The following OCLN variants were observed in gnomAD, a reference collection of about 807,000 sequenced individuals.
The protein encoded by OCLN is occludin.
OCLN carries 21 observed loss-of-function variants against 47.9 expected under a neutral mutation model. The ratio of observed to expected loss-of-function variants is 0.44; its 90% CI spans 0.31 to 0.63. The LOEUF is 0.63. OCLN is among the 30% of genes least tolerant of loss of function. The pLI, the probability that OCLN is intolerant of heterozygous loss-of-function variation, is 0.08. For synonymous variants in OCLN, 117 were observed against 198.4 expected, an observed-to-expected ratio of 0.59 and a Z score of 3.45; for missense variants, 360 against 571.0, an observed-to-expected ratio of 0.63 and a Z score of 3.77.
At chr5:69,537,189 C>CTTTTTTTT in intron 5 of OCLN, among the ~76,000 whole-genome samples, 1 of 80,562 alleles carries the variant, frequency 1.2e-5, no homozygotes, top group Non-Finnish European at 2.4e-5. Flanking sequence ...ATTCTATAAG[C>CTTTTTTTT]TTTTTTTTTT....
rs1340090097 is a variant in OCLN at position 69,557,348 on chromosome 5, G to A, written c.*3677G>A. 2.4e-5 allele frequency: 2 copies of A among 84,664 alleles called. 1 individual carries two copies. Among genetic ancestry groups the A allele is most frequent in the Non-Finnish European group, 7.2e-5 (2 of 27,900 alleles). The allele number at this position is 84,664 out of a possible 1,614,324, so 5.2% of individuals were successfully genotyped here. A position where few individuals can be genotyped will look rare whatever the true frequency, so the allele number is the denominator to read the frequency against. Reference sequence around the variant, plus strand: ...TTTTTTGTATTTGTAAAATATATTTGTAATAATCTCATAGTTAAGAAGGTA... The same window carrying A: ...TTTTTTGTATTTGTAAAATATATTTATAATAATCTCATAGTTAAGAAGGTA... On this transcript the variant is annotated 3_prime_UTR_variant, in exon 9 of 9. Transcript: ENST00000396442.
At chr5:69,499,896 T>C (rs1354065968) in intron 1 of OCLN, among the ~76,000 whole-genome samples, 1 of 152,184 alleles carries the variant, frequency 6.6e-6, no homozygotes, top group East Asian at 1.9e-4. Context: ...TTTAAGACTT[T>C]TTCTTATCCC....
At chr5:69,522,711 G>A (rs1187923754) in intron 4 of OCLN, among the ~76,000 whole-genome samples, 3 of 151,516 alleles carry the variant, frequency 2.0e-5, no homozygotes, top group Admixed American at 6.6e-5. Context: ...TGTATACCAC[G>A]GCACTCAGTT....
At chr5:69,503,879 C>G (rs1768524924) in intron 1 of OCLN, among the ~76,000 whole-genome samples, 1 of 152,090 alleles carries the variant, frequency 6.6e-6, no homozygotes, top group African/African-American at 2.4e-5. Context: ...TATACATTCT[C>G]ATTTAATATG....
chr5:69,514,137 T>G, intron 4 of OCLN, 28 bp downstream of exon 4: 3 of 1,602,096 alleles, frequency 1.9e-6, no homozygotes, highest in Non-Finnish European at 2.6e-6. Flanking sequence ...ACTTTACATC[T>G]TTTATTAAAG....
intron 2 of OCLN, among the ~76,000 whole-genome samples, chr5:69,508,786 CAGTTT>C (rs1768682041): frequency 6.6e-6 from 1 of 152,158 alleles, no homozygotes; most frequent in Admixed American, 6.5e-5. Flanking sequence ...CTTTGGAAAA[CAGTTT>C]GATACTGTCT....
chr5:69,516,405 G>C (rs1768971378), intron 4 of OCLN, among the ~76,000 whole-genome samples: 1 of 152,152 alleles, frequency 6.6e-6, no homozygotes. Context: ...GCTGAGGCAG[G>C]AGAATCAGGC....
chr5:69,522,034 C>T (rs1305383890), intron 4 of OCLN, among the ~76,000 whole-genome samples: 2 of 152,188 alleles, frequency 1.3e-5, no homozygotes, highest in Non-Finnish European at 2.9e-5. Flanking sequence ...GAGGGTCTCA[C>T]TATGTTACCC....
At chr5:69,526,146 C>T (rs1769272254) in intron 4 of OCLN, among the ~76,000 whole-genome samples, 1 of 152,128 alleles carries the variant, frequency 6.6e-6, no homozygotes, top group Admixed American at 6.5e-5. Context: ...TTGAAACAGC[C>T]CACTCACTCC....
intron 4 of OCLN, among the ~76,000 whole-genome samples, chr5:69,519,886 A>G: frequency 6.6e-6 from 1 of 152,214 alleles, no homozygotes. Flanking sequence ...TGTTTAGTTG[A>G]AAAAAATCCA....
intron 4 of OCLN, among the ~76,000 whole-genome samples, chr5:69,518,141 G>A (rs1028855382): frequency 6.6e-6 from 1 of 152,162 alleles, no homozygotes; most frequent in African/African-American, 2.4e-5. Context: ...TGTAACTTAT[G>A]GAGGTGATGA....
At chr5:69,530,689 C>T (rs1337793077) in intron 4 of OCLN, 2 of 152,026 alleles carry the variant, frequency 1.3e-5, no homozygotes, top group African/African-American at 4.8e-5. Flanking sequence ...TATTGTTCAA[C>T]TTTATATATG....
At chr5:69,525,617 G>A (rs1394766646) in intron 4 of OCLN, among the ~76,000 whole-genome samples, 1 of 152,096 alleles carries the variant, frequency 6.6e-6, no homozygotes, top group Non-Finnish European at 1.5e-5. Flanking sequence ...AATTGCTGAG[G>A]TGGCAAAACT....
chr5:69,525,499 C>T (rs1162307981), intron 4 of OCLN, among the ~76,000 whole-genome samples: 2 of 152,106 alleles, frequency 1.3e-5, no homozygotes, highest in African/African-American at 2.4e-5. Context: ...TAATATTTTC[C>T]AGTCAAACGT....
rs2112070877 is a variant in OCLN, at chr5:69,536,760, A to G, written c.1037+1921A>G. On this transcript the variant is annotated intron_variant, in intron 5 of 8. Transcript: ENST00000396442. ...GAGGCAGGTGGATCACGAGGTCAGG[A>G]AATTGAGACCATCCTGGCTAACAGG... is the stretch of plus-strand genomic sequence containing the variant. 2.0e-5 allele frequency among the ~76,000 whole-genome samples: 3 copies of G among 151,800 alleles called. No individual in the cohort carries two copies. The South Asian group carries it at 6.3e-4, about 32-fold the overall frequency.
chr5:69,532,967 CAA>C (rs200582624), intron 4 of OCLN, among the ~76,000 whole-genome samples: 1 of 107,098 alleles, frequency 9.3e-6, no homozygotes. Flanking sequence ...GACTCTGTCT[CAA>C]AAAAAATATA....
intron 4 of OCLN, among the ~76,000 whole-genome samples, chr5:69,515,507 C>T (rs1275566059): frequency 1.4e-5 from 2 of 140,872 alleles, no homozygotes; most frequent in African/African-American, 5.4e-5. Flanking sequence ...CCTCACCTCC[C>T]GGACGGGGCG....
chr5:69,503,076 C>T (rs1768503798), intron 1 of OCLN, among the ~76,000 whole-genome samples: 1 of 152,148 alleles, frequency 6.6e-6, no homozygotes, highest in Non-Finnish European at 1.5e-5. Context: ...CATGGAGGGT[C>T]GTTTTGAGGA....
chr5:69,504,332 GTC>G, intron 2 of OCLN, 38 bp downstream of exon 2: 1 of 1,236,678 alleles, frequency 8.1e-7, no homozygotes, highest in Non-Finnish European at 1.2e-6. Context: ...CTTTTAAAAA[GTC>G]TATCACATGT....
Sources: allele counts gnomAD v4.1 joint callset (sites outside exome capture counted in the v4.1 genomes callset), GRCh38; gene constraint gnomAD v4.1.1; transcripts MANE v1.5; gene names NCBI Gene and HGNC (gene_info 2026-07-23, HGNC 2026-07-21).